TBCD: variants seen among roughly 807,000 people sequenced by gnomAD.
TBCD encodes the protein tubulin-specific chaperone D.
A neutral mutation model predicts 169.3 loss-of-function variants in TBCD; 105 were observed. That is an observed-to-expected ratio of 0.62 (90% CI 0.53 to 0.73). The LOEUF is 0.73. Ranked by LOEUF, TBCD falls within the 30% of genes least tolerant of loss-of-function variation. The pLI is 0.00. For synonymous variants in TBCD, 700 were observed against 643.9 expected (o/e 1.09, Z -1.32); for missense variants, 1,444 against 1,600.1 (o/e 0.90, Z 1.66).
chr17:82,809,335 C>A (rs1043098492), intron 11 of TBCD, among the ~76,000 whole-genome samples: 1 of 152,100 alleles, frequency 6.6e-6, no homozygotes, highest in African/African-American at 2.4e-5. Flanking sequence ...GCACAGTCAG[C>A]GTTTGGGGTG....
chr17:82,759,459 G>A (rs903921760), intron 2 of TBCD, among the ~76,000 whole-genome samples: 2 of 152,072 alleles, frequency 1.3e-5, no homozygotes, highest in Non-Finnish European at 2.9e-5. Flanking sequence ...GCACTCCAGC[G>A]TGGGCTACAG....
intron 13 of TBCD, among the ~76,000 whole-genome samples, chr17:82,869,689 C>T (rs994827133): frequency 1.3e-5 from 2 of 152,200 alleles, no homozygotes; most frequent in East Asian, 3.9e-4. Context: ...CTGTAGGAGC[C>T]GTGGCCGGCT....
Position 82,806,681 on chromosome 17 carries a change from G to GCTGCA in TBCD, c.1087+673_1087+677dup, listed in dbSNP as rs2050987835. ...GGCGGGGCCACGCTGCCTGTGCTGTGCTGCACTCTGCTCACATCCCCGCCG... is the reference window on the plus strand; with the variant it reads ...GGCGGGGCCACGCTGCCTGTGCTGTGCTGCACTGCACTCTGCTCACATCCCCGCCG... On this transcript the variant is annotated intron_variant, in intron 10 of 38. Coordinates refer to ENST00000355528, the MANE Select transcript of TBCD (RefSeq NM_005993.5). The surrounding 1 kb of genome is among the most constrained non-coding windows in gnomAD (Gnocchi z 5.1). 6.6e-6 allele frequency among the ~76,000 whole-genome samples: 1 copy of GCTGCA among 151,978 alleles called. No individual in the cohort carries two copies. Among genetic ancestry groups the GCTGCA allele is most frequent in the African/African-American group, 2.4e-5 (1 of 41,374 alleles).
chr17:82,866,301 C>T (rs1383453567), intron 13 of TBCD, among the ~76,000 whole-genome samples: 1 of 152,126 alleles, frequency 6.6e-6, no homozygotes, highest in Non-Finnish European at 1.5e-5. Flanking sequence ...ATTTTTCACC[C>T]CAGGGTATAG....
At chr17:82,765,754 AAATGAACATATTT>A (rs2047988380) in intron 3 of TBCD, among the ~76,000 whole-genome samples, 1 of 152,230 alleles carries the variant, frequency 6.6e-6, no homozygotes, top group African/African-American at 2.4e-5. Flanking sequence ...ACAGTCATAT[AAATGAACATATTT>A]AATGACTGAT....
chr17:82,772,370 G>A (rs986399657), intron 5 of TBCD, 82 bp from the exon 6 acceptor site: 6 of 1,425,608 alleles, frequency 4.2e-6, no homozygotes, highest in Admixed American at 3.3e-5. Context: ...GAGCTGGTGA[G>A]GGTGGGACTG....
intron 16 of TBCD, among the ~76,000 whole-genome samples, chr17:82,891,838 T>C (rs1333837420): frequency 1.3e-5 from 2 of 152,106 alleles, no homozygotes; most frequent in Admixed American, 1.3e-4. Flanking sequence ...GAGACTCTGG[T>C]CCTGAGTGGT....
At chr17:82,851,240 T>C (rs2055762321) in intron 13 of TBCD, among the ~76,000 whole-genome samples, 1 of 118,640 alleles carries the variant, frequency 8.4e-6, no homozygotes, top group African/African-American at 3.2e-5. Context: ...GTAAATCACA[T>C]GAGTCAAGTC....
At chr17:82,905,805 G>A (rs2060205586) in intron 19 of TBCD, 131 bp from the exon 20 acceptor site, 4 of 590,886 alleles carry the variant, frequency 6.8e-6, no homozygotes, top group Non-Finnish European at 1.2e-5. Context: ...GTGCGTGTGG[G>A]CTTCCCACAG....
chr17:82,807,389 A>G lies in TBCD; in HGVS notation c.1088-219A>G, dbSNP rs549652250. ...CCTGTAGCCGGCTTTAATGGGGTAGATCTCTTTCTTAGGAACAGAGAACTT... is the reference window on the plus strand; with the variant it reads ...CCTGTAGCCGGCTTTAATGGGGTAGGTCTCTTTCTTAGGAACAGAGAACTT... On this transcript the variant is annotated intron_variant, in intron 10 of 38. Coordinates refer to ENST00000355528, the MANE Select transcript of TBCD (RefSeq NM_005993.5). Among the ~76,000 whole-genome samples, 268 of 152,220 alleles carry G rather than the reference A, an allele frequency of 1.8e-3. 2 individuals carry two copies. Among genetic ancestry groups the G allele is most frequent in the African/African-American group, 6.1e-3 (255 of 41,520 alleles).
chr17:82,915,094 G>C lies in TBCD; in HGVS notation c.2038+3305G>C, dbSNP rs1055927346. 6.6e-6 allele frequency among the ~76,000 whole-genome samples: 1 copy of C among 152,116 alleles called. No individual in the cohort carries two copies. Among genetic ancestry groups the C allele is most frequent in the Non-Finnish European group, 1.5e-5 (1 of 68,028 alleles). The stretch of plus-strand genomic sequence containing the variant: ...AAGTGAGACAAGACTCCAAGCTCTT[G>C]TCGGGGTGAGAAATCTGCGGGTTCA... On this transcript the variant is annotated intron_variant, in intron 23 of 38. Coordinates refer to ENST00000355528, the MANE Select transcript of TBCD (RefSeq NM_005993.5). The surrounding 1 kb of genome is among the most constrained non-coding windows in gnomAD (Gnocchi z 4.3).
At chr17:82,928,062 G>A in intron 30 of TBCD, 74 bp downstream of exon 30, 1 of 1,389,296 alleles carries the variant, frequency 7.2e-7, no homozygotes, top group Non-Finnish European at 1.0e-6. Context: ...GGGGCGGGCG[G>A]TCCTGGTGCT....
At chr17:82,811,297 T>C (rs981946932) in intron 12 of TBCD, among the ~76,000 whole-genome samples, 14 of 152,148 alleles carry the variant, frequency 9.2e-5, no homozygotes, top group Non-Finnish European at 1.3e-4. Context: ...TCATCAGGCC[T>C]AGTGCGTCTC....
intron 12 of TBCD, among the ~76,000 whole-genome samples, chr17:82,810,647 C>T (rs1228957496): frequency 1.3e-5 from 2 of 152,232 alleles, no homozygotes; most frequent in African/African-American, 4.8e-5. Flanking sequence ...GATCTGTGAC[C>T]TCCCCAGGGA....
chr17:82,931,690 T>C (rs1418098357), intron 33 of TBCD, among the ~76,000 whole-genome samples: 1 of 152,214 alleles, frequency 6.6e-6, no homozygotes, highest in Non-Finnish European at 1.5e-5. Flanking sequence ...TGGGCCTCCC[T>C]CTCTGTGGGC....
intron 13 of TBCD, among the ~76,000 whole-genome samples, chr17:82,824,003 A>C (rs1420204529): frequency 2.0e-5 from 3 of 151,892 alleles, no homozygotes; most frequent in Non-Finnish European, 2.9e-5. Context: ...TGTTTTAGAG[A>C]TCTTGTACAA....
chr17:82,828,349 C>T (rs923614235), intron 13 of TBCD, among the ~76,000 whole-genome samples: 5 of 142,944 alleles, frequency 3.5e-5, no homozygotes, highest in Middle Eastern at 4.2e-3. Context: ...GATATGCGCA[C>T]GTGGACACCC....
intron 7 of TBCD, among the ~76,000 whole-genome samples, chr17:82,794,260 G>T (rs766109246): frequency 6.6e-6 from 1 of 152,254 alleles, no homozygotes; most frequent in African/African-American, 2.4e-5. Flanking sequence ...GCCCCAGGGG[G>T]GGGAAGCTGG....
intron 14 of TBCD, among the ~76,000 whole-genome samples, chr17:82,875,599 G>GCGCGGCCCAGGGAGGAT (rs2057910172): frequency 6.6e-6 from 1 of 152,224 alleles, no homozygotes; most frequent in Non-Finnish European, 1.5e-5. Flanking sequence ...CTGCTGAGCG[G>GCGCGGCCCAGGGAGGAT]CGCGGCCCAG....
Sources: allele counts gnomAD v4.1 joint callset (sites outside exome capture counted in the v4.1 genomes callset), GRCh38; gene constraint gnomAD v4.1.1; non-coding constraint Gnocchi (gnomAD v3.1); transcripts MANE v1.5; gene names NCBI Gene and HGNC (gene_info 2026-07-23, HGNC 2026-07-21).